The following OR9Q1 variants were observed in gnomAD, a reference collection of about 807,000 sequenced individuals.
OR9Q1 encodes the protein olfactory receptor 9Q1.
For synonymous variants in OR9Q1, 153 were observed against 148.6 expected (o/e 1.03, Z -0.22); for missense variants, 374 against 378.8 (o/e 0.99, Z 0.11).
chr11:58,040,824 T>C (rs1391476282), intron 1 of OR9Q1: 2 of 152,158 alleles, frequency 1.3e-5, no homozygotes. Flanking sequence ...TCTTTTGTGT[T>C]CTTTTCAGGA....
chr11:58,174,864 G>T (rs1299625822), intron 2 of OR9Q1, among the ~76,000 whole-genome samples: 1 of 151,372 alleles, frequency 6.6e-6, no homozygotes, highest in Non-Finnish European at 1.5e-5. Context: ...TCAGAAATTT[G>T]GGAGGCTGAG....
rs570147867 is a variant in OR9Q1 at position 58,139,353 on chromosome 11, T to C, written c.-14-40078T>C. The stretch of plus-strand genomic sequence containing the variant: ...AATGTGCAGGTTTGTTACATAGGTA[T>C]ACATGTGCCATGTTGGTGTGCTGCA... On this transcript the variant is annotated intron_variant, in intron 2 of 2. Coordinates refer to ENST00000335397, the MANE Select transcript of OR9Q1 (RefSeq NM_001005212.4). 3.9e-5 allele frequency among the ~76,000 whole-genome samples: 6 copies of C among 152,102 alleles called. No individual in the cohort carries two copies. The East Asian group carries it at 1.2e-3, about 29-fold the overall frequency.
rs1375842560 is a variant in OR9Q1, at chr11:58,179,680, C to G, written c.236C>G (p.Pro79Arg). ...GTCTGCTACTCATCTATCACTGTCC[C>G]CCAGATGCTGGCAGTGCTGCTGGAG... ...MDVCYSSITV[P>R]QMLAVLLEHG... Residue 79 changes from proline to arginine, a missense_variant, in exon 3 of 3, where the codon CCC becomes CGC. Physicochemically the swap from Pro to Arg is moderately radical, Grantham distance 103 (BLOSUM62 -2). Coordinates refer to ENST00000335397, the MANE Select transcript of OR9Q1 (RefSeq NM_001005212.4). 2.5e-6 allele frequency: 4 copies of G among 1,614,050 alleles called. No individual in the cohort carries two copies. The highest frequency in any genetic ancestry group is 3.4e-6 in the Non-Finnish European group (4 of 1,179,918).
At chr11:58,078,881 G>T (rs1853563950) in intron 2 of OR9Q1, among the ~76,000 whole-genome samples, 4 of 152,122 alleles carry the variant, frequency 2.6e-5, no homozygotes. Flanking sequence ...AAGATGACAG[G>T]CTCTGAGAAT....
At chr11:58,063,358 A>G (rs890688363) in intron 2 of OR9Q1, among the ~76,000 whole-genome samples, 4 of 152,224 alleles carry the variant, frequency 2.6e-5, no homozygotes, top group Admixed American at 6.5e-5. Flanking sequence ...TAATAGCAAT[A>G]GGAAATACTG....
intron 2 of OR9Q1, among the ~76,000 whole-genome samples, chr11:58,116,204 C>T (rs143415424): frequency 1.2e-4 from 18 of 152,246 alleles, no homozygotes; most frequent in African/African-American, 4.3e-4. Flanking sequence ...AACTTATGGT[C>T]CACAATAGCT....
intron 2 of OR9Q1, among the ~76,000 whole-genome samples, chr11:58,150,559 G>T (rs901422443): frequency 6.6e-6 from 1 of 152,166 alleles, no homozygotes; most frequent in African/African-American, 2.4e-5. Context: ...GTTCCATGAG[G>T]TTATAATGGA....
chr11:58,039,197 C>T (rs1374238365), intron 1 of OR9Q1, among the ~76,000 whole-genome samples: 1 of 152,150 alleles, frequency 6.6e-6, no homozygotes, highest in Non-Finnish European at 1.5e-5. Context: ...ACCATTTGGC[C>T]AGGCTGCTCT....
intron 2 of OR9Q1, among the ~76,000 whole-genome samples, chr11:58,164,780 G>A (rs1472806958): frequency 6.6e-6 from 1 of 152,128 alleles, no homozygotes; most frequent in Non-Finnish European, 1.5e-5. Context: ...TTATAAAATA[G>A]TTCCTTGGTC....
chr11:58,061,744 C>T (rs566527729), intron 2 of OR9Q1, among the ~76,000 whole-genome samples: 38 of 152,304 alleles, frequency 2.5e-4, no homozygotes, highest in Non-Finnish European at 5.1e-4. Context: ...TCAAGAATTT[C>T]TTAAGATGTA....
chr11:58,030,128 C>T (rs1427395179), intron 1 of OR9Q1, among the ~76,000 whole-genome samples: 2 of 152,198 alleles, frequency 1.3e-5, no homozygotes, highest in Non-Finnish European at 2.9e-5. Flanking sequence ...ACATATGAGC[C>T]ACCGGGCCCG....
chr11:58,130,573 CTTGAGGCTAGGAG>C (rs1854131921), intron 2 of OR9Q1, among the ~76,000 whole-genome samples: 1 of 152,180 alleles, frequency 6.6e-6, no homozygotes, highest in Admixed American at 6.5e-5. Context: ...GGATGGATTG[CTTGAGGCTAGGAG>C]TTCGAGACCA....
chr11:58,028,768 A>G (rs185953386), intron 1 of OR9Q1, among the ~76,000 whole-genome samples: 1 of 152,356 alleles, frequency 6.6e-6, no homozygotes, highest in East Asian at 1.9e-4. Context: ...TAGACTTCCC[A>G]CTGTGGGGAT....
chr11:58,180,640 C>T lies in OR9Q1; in HGVS notation c.*263C>T, dbSNP rs761388229. 1 of 331,428 alleles carries T rather than the reference C, an allele frequency of 3.0e-6. No individual in the cohort carries two copies. The highest frequency in any genetic ancestry group is 2.1e-5 in the African/African-American group (1 of 46,910). The allele number at this position is 331,428 out of a possible 1,614,324, so 20.5% of individuals were successfully genotyped here. On this transcript the variant is annotated 3_prime_UTR_variant, in exon 3 of 3. Coordinates refer to ENST00000335397, the MANE Select transcript of OR9Q1 (RefSeq NM_001005212.4). ...AAGCCTGTGCAATCCAAATATGGCA[C>T]ACTTCACCTGTCTGTGATTATAAGA...
Position 58,089,698 on chromosome 11 carries a change from C to T in OR9Q1, c.-15+33751C>T, listed in dbSNP as rs977713054. On this transcript the variant is annotated intron_variant, in intron 2 of 2. Transcript: ENST00000335397. ...TTTCTAATTCTGTGAAGAAAGTCAA[C>T]TGTTGCTTGATGGGGATAGCACTGA... Among the ~76,000 whole-genome samples the T allele has an allele frequency of 2.2e-4, 34 of 151,864 alleles. No individual in the cohort carries two copies. The East Asian group carries it at 6.0e-3, about 27-fold the overall frequency.
chr11:58,108,993 T>C (rs1853870061), intron 2 of OR9Q1: 5 of 412,332 alleles, frequency 1.2e-5, no homozygotes, highest in South Asian at 7.1e-5. Flanking sequence ...TCAAAATGGC[T>C]CTGATAATGA....
At chr11:58,112,292 C>CAAAAAAAAAAAAAAAAAAAAAAAAA (rs761960271) in intron 2 of OR9Q1, among the ~76,000 whole-genome samples, 9 of 111,790 alleles carry the variant, frequency 8.1e-5, no homozygotes, top group African/African-American at 2.0e-4. Flanking sequence ...GACTTCGTCT[C>CAAAAAAAAAAAAAAAAAAAAAAAAA]AAAGAAAAAA....
intron 2 of OR9Q1, among the ~76,000 whole-genome samples, chr11:58,134,381 C>T (rs1854171491): frequency 6.6e-6 from 1 of 152,214 alleles, no homozygotes; most frequent in Non-Finnish European, 1.5e-5. Context: ...CATCCCCAAC[C>T]TTTCCCATTG....
At chr11:58,100,560 T>TC (rs1853773701) in intron 2 of OR9Q1, among the ~76,000 whole-genome samples, 1 of 152,152 alleles carries the variant, frequency 6.6e-6, no homozygotes. Context: ...ATGGTGTTTT[T>TC]CCCCTTCCTA....
Sources: gnomAD v4.1 joint callset for allele counts (sites outside exome capture counted in the v4.1 genomes callset) on GRCh38, gnomAD v4.1.1 for gene constraint, MANE v1.5 for transcripts, NCBI Gene and HGNC (gene_info 2026-07-23, HGNC 2026-07-21) for gene names.